C6orf89: variants seen among roughly 807,000 people sequenced by gnomAD.
C6orf89 encodes the protein bombesin receptor-activated protein C6orf89.
Under a neutral mutation model 40.7 loss-of-function variants are expected in C6orf89, and 29 were observed. The ratio of observed to expected loss-of-function variants is 0.71; its 90% CI spans 0.53 to 0.97. The LOEUF is 0.97. Ranked by LOEUF, C6orf89 falls within the 50% of genes least tolerant of loss-of-function variation. The probability of loss-of-function intolerance (pLI) is 0.00; values close to 1 mark genes in which losing one functional copy is unlikely to be tolerated. For synonymous variants in C6orf89, 165 were observed against 152.2 expected (o/e 1.08, Z -0.62); for missense variants, 392 against 429.1 (o/e 0.91, Z 0.76).
chr6:36,881,634 A>G (rs1304359768), upstream of C6orf89, among the ~76,000 whole-genome samples: 2 of 152,230 alleles, frequency 1.3e-5, no homozygotes, highest in Non-Finnish European at 2.9e-5. Flanking sequence ...AGATCACACC[A>G]TTGCACTCCA....
At chr6:36,873,283 T>G (rs1282513196) in intron 1 of C6orf89, among the ~76,000 whole-genome samples, 1 of 152,172 alleles carries the variant, frequency 6.6e-6, no homozygotes, top group Non-Finnish European at 1.5e-5. Flanking sequence ...AGGATGTTCA[T>G]CTCAGTATTT....
At position 36,911,496 on chromosome 6, in the gene C6orf89, A is replaced by T. The variant is rs150970684; in HGVS notation, c.404-2788A>T. ...CAGAGCTAGACTCCATCTCCAAAAA[A>T]AATAATAATAATAATAATTAAATAA... On this transcript the variant is annotated intron_variant, in intron 4 of 8. Transcript: ENST00000480824. Among the ~76,000 whole-genome samples the T allele has an allele frequency of 2.4e-3, 359 of 151,990 alleles. 3 individuals are homozygous for T. The East Asian group carries it at 0.025, about 11-fold the overall frequency.
At chr6:36,905,598 G>C (rs1214337931) in intron 4 of C6orf89, among the ~76,000 whole-genome samples, 5 of 152,026 alleles carry the variant, frequency 3.3e-5, no homozygotes, top group Non-Finnish European at 7.4e-5. Flanking sequence ...ATCCTCCCTA[G>C]TCTGCACCCT....
At chr6:36,899,042 A>T (rs1561863655) in intron 2 of C6orf89, among the ~76,000 whole-genome samples, 2 of 149,082 alleles carry the variant, frequency 1.3e-5, no homozygotes, top group South Asian at 2.1e-4. Context: ...TGCATAATCC[A>T]TTTTTTTTTT....
intron 2 of C6orf89, among the ~76,000 whole-genome samples, chr6:36,895,003 G>C (rs1319118813): frequency 1.3e-5 from 2 of 152,110 alleles, no homozygotes; most frequent in African/African-American, 4.8e-5. Context: ...TTGTCTCCAG[G>C]TTCAATGCTG....
Position 36,913,180 on chromosome 6 carries a change from G to C in C6orf89, c.404-1104G>C, listed in dbSNP as rs375103627. On this transcript the variant is annotated intron_variant, in intron 4 of 8. Transcript: ENST00000480824. ...TAACAGAGGGAAGCTGGGAAAGGCT[G>C]TGCAGAAACAAGAGCCCCTCAGAGA... 2.6e-5 allele frequency among the ~76,000 whole-genome samples: 4 copies of C among 152,342 alleles called. No homozygotes were observed. In the East Asian group the frequency reaches 7.7e-4, roughly 29 times the overall value.
intron 4 of C6orf89, among the ~76,000 whole-genome samples, chr6:36,903,769 A>G (rs755742970): frequency 2.0e-5 from 3 of 152,216 alleles, no homozygotes; most frequent in Non-Finnish European, 4.4e-5. Context: ...TACTTGAGGA[A>G]GTCATGGAAA....
chr6:36,884,662 A>G (rs1774912980), upstream of C6orf89, among the ~76,000 whole-genome samples: 1 of 152,236 alleles, frequency 6.6e-6, no homozygotes, highest in Admixed American at 6.5e-5. This position sits in a 1 kb window ranked among gnomAD's most constrained non-coding sequence, Gnocchi z 4.0. Flanking sequence ...AGTTCTGGTC[A>G]CGCTGTCACC....
intron 1 of C6orf89, among the ~76,000 whole-genome samples, chr6:36,889,569 C>T (rs1481518054): frequency 1.8e-5 from 2 of 112,488 alleles, no homozygotes; most frequent in African/African-American, 3.8e-5. Context: ...CCTAAAAGAC[C>T]AAAAAACAAA....
intron 1 of C6orf89, among the ~76,000 whole-genome samples, chr6:36,891,314 G>A (rs1761201025): frequency 6.6e-6 from 1 of 152,134 alleles, no homozygotes; most frequent in African/African-American, 2.4e-5. Context: ...CCCTATAAAG[G>A]ACATGAACTC....
chr6:36,885,963 C>T lies in C6orf89; in HGVS notation c.-185C>T, dbSNP rs1485737832. ...GCGCTCCCGGAAACAGGAAGTTGCCCATCCTCCTCGCCCGGCGGCAGCTGT... is the reference window on the plus strand; with the variant it reads ...GCGCTCCCGGAAACAGGAAGTTGCCTATCCTCCTCGCCCGGCGGCAGCTGT... On this transcript the variant is annotated 5_prime_UTR_variant, in exon 1 of 9. Transcript: ENST00000480824. The T allele has an allele frequency of 3.2e-6, 4 of 1,269,304 alleles. No individual in the cohort carries two copies. Among genetic ancestry groups the T allele is most frequent in the South Asian group, 2.6e-5 (1 of 38,080 alleles). The allele number at this position is 1,269,304 out of a possible 1,614,324, so 78.6% of individuals were successfully genotyped here.
At chr6:36,873,510 T>C (rs1350357150) in intron 1 of C6orf89, among the ~76,000 whole-genome samples, 1 of 152,216 alleles carries the variant, frequency 6.6e-6, no homozygotes, top group East Asian at 1.9e-4. Flanking sequence ...GTCTGGACAA[T>C]CATCCAACAA....
intron 1 of C6orf89, among the ~76,000 whole-genome samples, chr6:36,873,451 T>C (rs1774561571): frequency 6.6e-6 from 1 of 152,186 alleles, no homozygotes; most frequent in African/African-American, 2.4e-5. Context: ...TATGATCCCA[T>C]TTTTTTGTTA....
chr6:36,878,588 C>T (rs942226408), intron 1 of C6orf89, among the ~76,000 whole-genome samples: 1 of 152,210 alleles, frequency 6.6e-6, no homozygotes, highest in East Asian at 1.9e-4. Context: ...TTAAAGCAAA[C>T]TAAATATGGC....
intron 3 of C6orf89, among the ~76,000 whole-genome samples, chr6:36,900,901 C>T (rs892124029): frequency 9.2e-5 from 14 of 151,844 alleles, no homozygotes; most frequent in Non-Finnish European, 5.9e-5. Flanking sequence ...GGCTGGAGTG[C>T]AATGGTGTGA....
chr6:36,899,031 G>A (rs1177553971), intron 2 of C6orf89, among the ~76,000 whole-genome samples: 2 of 152,086 alleles, frequency 1.3e-5, no homozygotes, highest in Non-Finnish European at 2.9e-5. Context: ...AAACAACACT[G>A]TGCATAATCC....
intron 7 of C6orf89, 56 bp from the exon 8 acceptor site, chr6:36,919,522 G>T: frequency 6.4e-7 from 1 of 1,571,804 alleles, no homozygotes; most frequent in Non-Finnish European, 8.7e-7. Flanking sequence ...AAACCCCCTG[G>T]TTTTATTTCG....
intron 1 of C6orf89, among the ~76,000 whole-genome samples, chr6:36,887,296 G>A (rs976997890): frequency 6.6e-6 from 1 of 152,152 alleles, no homozygotes; most frequent in Non-Finnish European, 1.5e-5. Context: ...AATAAACCAT[G>A]AGCCACGAGT....
At chr6:36,883,843 G>C (rs574718746), upstream of C6orf89, among the ~76,000 whole-genome samples, 20 of 152,154 alleles carry the variant, frequency 1.3e-4, no homozygotes, top group Non-Finnish European at 2.9e-4. Context: ...AAAGGCTATC[G>C]TTACACAACA....
Sources: gnomAD v4.1 joint callset for allele counts (sites outside exome capture counted in the v4.1 genomes callset) on GRCh38, gnomAD v4.1.1 for gene constraint, Gnocchi (gnomAD v3.1) non-coding constraint, MANE v1.5 for transcripts, NCBI Gene and HGNC (gene_info 2026-07-23, HGNC 2026-07-21) for gene names.